Variants in TANC2 observed in about 807,000 individuals in gnomAD.
TANC2 encodes tetratricopeptide repeat, ankyrin repeat and coiled-coil containing 2.
TANC2 carries 26 observed loss-of-function variants against 210.5 expected under a neutral mutation model. The ratio of observed to expected loss-of-function variants is 0.12; its 90% CI spans 0.09 to 0.17. TANC2 has a LOEUF of 0.17. Ranked by LOEUF, TANC2 falls within the 10% of genes least tolerant of loss-of-function variation. TANC2 has a pLI of 1.00. For missense variants in TANC2, 2,129 were observed against 2,608.9 expected (o/e 0.82, Z 4.01); for synonymous variants, 931 against 967.1 (o/e 0.96, Z 0.69).
At chr17:63,184,853 C>T (rs890423424) in intron 5 of TANC2, among the ~76,000 whole-genome samples, 3 of 151,556 alleles carry the variant, frequency 2.0e-5, no homozygotes, top group African/African-American at 4.8e-5. Context: ...GATGGGATTT[C>T]GCCATGTTGG....
chr17:63,215,176 A>G (rs776881482), intron 7 of TANC2, among the ~76,000 whole-genome samples: 1 of 152,206 alleles, frequency 6.6e-6, no homozygotes, highest in East Asian at 1.9e-4. Flanking sequence ...TGTTTATGCA[A>G]CTAACAGAAC....
rs1245025884 is a variant in TANC2 at position 63,233,242 on chromosome 17, A to G, written c.770-4572A>G. Reference sequence around the variant, plus strand: ...CCCTGGGAACTCGGTAGTCTTAGGCAGTTTCCAGCCAAGAGGCCGCCGTAG... The same window carrying G: ...CCCTGGGAACTCGGTAGTCTTAGGCGGTTTCCAGCCAAGAGGCCGCCGTAG... On this transcript the variant is annotated intron_variant, in intron 7 of 27. Coordinates refer to ENST00000689528, the Ensembl canonical transcript of TANC2. Among the ~76,000 whole-genome samples, 4 of 145,926 alleles carry G rather than the reference A, an allele frequency of 2.7e-5. No individual in the cohort carries two copies. The East Asian group carries it at 5.8e-4, about 21-fold the overall frequency.
chr17:63,062,374 G>T (rs1184373097), intron 2 of TANC2, among the ~76,000 whole-genome samples: 1 of 151,844 alleles, frequency 6.6e-6, no homozygotes, highest in Non-Finnish European at 1.5e-5. Flanking sequence ...TGTCCCTTTT[G>T]TCCATTTTCT....
At chr17:63,138,613 G>A (rs886779537) in intron 4 of TANC2, among the ~76,000 whole-genome samples, 2 of 152,000 alleles carry the variant, frequency 1.3e-5, no homozygotes, top group Admixed American at 6.6e-5. Flanking sequence ...AATGAAATAC[G>A]TCTCTTCACC....
At position 63,220,719 on chromosome 17, in the gene TANC2, A is replaced by AAATAT. The variant is rs1386491486; in HGVS notation, c.770-17094_770-17093insATATA. ...AATCAGTCTCAAAAAAAAAAAAAAA[A>AAATAT]ATATATATATATATATATGTATATA... On this transcript the variant is annotated intron_variant, in intron 7 of 27. Coordinates refer to ENST00000689528, the Ensembl canonical transcript of TANC2. Among the ~76,000 whole-genome samples the AAATAT allele has an allele frequency of 7.4e-5, 10 of 134,396 alleles. No individual in the cohort carries two copies. In the South Asian group the frequency reaches 9.0e-4, roughly 12 times the overall value. The allele number at this position is 134,396 out of a possible 152,430, so 88.2% of individuals were successfully genotyped here.
At chr17:63,370,502 T>C (rs1195418553) in intron 14 of TANC2, among the ~76,000 whole-genome samples, 5 of 152,202 alleles carry the variant, frequency 3.3e-5, no homozygotes, top group African/African-American at 1.2e-4. Context: ...TTCTACTCTT[T>C]CTTCATCCTT....
chr17:63,039,463 AGGATTTTACGTAGGCACCTGT>A (rs752145601), intron 2 of TANC2, among the ~76,000 whole-genome samples: 5 of 152,188 alleles, frequency 3.3e-5, no homozygotes, highest in Non-Finnish European at 7.4e-5. Flanking sequence ...CTGCAGCTGG[AGGATTTTACGTAGGCACCTGT>A]GGGTTTGAGT....
chr17:63,416,218 T>G (rs1219853887), intron 26 of TANC2, among the ~76,000 whole-genome samples: 2 of 152,188 alleles, frequency 1.3e-5, no homozygotes, highest in African/African-American at 2.4e-5. Context: ...CCCCTGGACC[T>G]TTATCGTCTC....
chr17:63,157,238 T>C (rs747309103), intron 5 of TANC2, among the ~76,000 whole-genome samples: 1 of 152,180 alleles, frequency 6.6e-6, no homozygotes, highest in Non-Finnish European at 1.5e-5. Context: ...CCCTTGAGGT[T>C]GCTTCTTTAG....
intron 1 of TANC2, among the ~76,000 whole-genome samples, chr17:62,998,681 T>A (rs2033231300): frequency 1.3e-5 from 2 of 152,208 alleles, no homozygotes; most frequent in South Asian, 4.1e-4. Context: ...AGAAATAAGA[T>A]CCTTTGCAGA....
At chr17:62,992,265 A>G (rs1415187488) in intron 1 of TANC2, among the ~76,000 whole-genome samples, 1 of 152,136 alleles carries the variant, frequency 6.6e-6, no homozygotes, top group Non-Finnish European at 1.5e-5. Flanking sequence ...ATCTTTCCCT[A>G]TAGCAATCTA....
intron 9 of TANC2, among the ~76,000 whole-genome samples, chr17:63,290,723 A>AC (rs2044359008): frequency 6.6e-6 from 1 of 151,898 alleles, no homozygotes; most frequent in African/African-American, 2.4e-5. Context: ...AGTGCCGCTT[A>AC]CTCCATCTTG....
intron 8 of TANC2, among the ~76,000 whole-genome samples, chr17:63,244,880 C>T (rs1356967094): frequency 6.6e-6 from 1 of 152,078 alleles, no homozygotes; most frequent in African/African-American, 2.4e-5. Context: ...CTTGATTTCT[C>T]ATGGTTTTAT....
intron 2 of TANC2, among the ~76,000 whole-genome samples, chr17:63,065,953 G>T (rs1211554735): frequency 6.6e-6 from 1 of 152,096 alleles, no homozygotes; most frequent in East Asian, 1.9e-4. Context: ...TGCAGTGGGT[G>T]ACAGATTGCA....
rs145742789 is a variant in TANC2, at chr17:63,178,325, T to G, written c.434-15666T>G. 8.4e-3 allele frequency among the ~76,000 whole-genome samples: 1,282 copies of G among 151,786 alleles called. 16 individuals are homozygous for G. The highest frequency in any genetic ancestry group is 0.028 in the African/African-American group (1,174 of 41,340). ...TCCAGCCTGGGCGACAGAGCAAGACTCTGTCTCAAAAAAAAACACAAAAAA... is the reference window on the plus strand; with the variant it reads ...TCCAGCCTGGGCGACAGAGCAAGACGCTGTCTCAAAAAAAAACACAAAAAA... On this transcript the variant is annotated intron_variant, in intron 5 of 27. Transcript: ENST00000689528.
At chr17:63,171,677 A>G (rs1470006042) in intron 5 of TANC2, among the ~76,000 whole-genome samples, 2 of 152,202 alleles carry the variant, frequency 1.3e-5, no homozygotes, top group African/African-American at 2.4e-5. Context: ...TTGTTATCTG[A>G]TGAATGTTAT....
At chr17:63,120,126 T>A (rs1181529766) in intron 4 of TANC2, among the ~76,000 whole-genome samples, 2 of 152,120 alleles carry the variant, frequency 1.3e-5, no homozygotes, top group African/African-American at 4.8e-5. Flanking sequence ...ATTAGCAGAT[T>A]TATTCATTTT....
intron 9 of TANC2, among the ~76,000 whole-genome samples, chr17:63,300,047 C>A (rs551690671): frequency 2.0e-5 from 3 of 152,212 alleles, no homozygotes; most frequent in Non-Finnish European, 1.5e-5. Context: ...GGAGTCCTTT[C>A]CCTATTGTTT....
chr17:63,276,566 G>A (rs574800544), intron 9 of TANC2, among the ~76,000 whole-genome samples: 185 of 150,676 alleles, frequency 1.2e-3, no homozygotes, highest in Non-Finnish European at 2.0e-3. Context: ...AGCAGTGACT[G>A]CAGATTTTTC....
Sources: gnomAD v4.1 joint callset for allele counts (sites outside exome capture counted in the v4.1 genomes callset) on GRCh38, gnomAD v4.1.1 for gene constraint, MANE v1.5 for transcripts, NCBI Gene and HGNC (gene_info 2026-07-23, HGNC 2026-07-21) for gene names.